WDPCP: variants seen among roughly 807,000 people sequenced by gnomAD.
The protein encoded by WDPCP is WD repeat containing planar cell polarity effector.
WDPCP carries 71 observed loss-of-function variants against 93.1 expected under a neutral mutation model. The observed-to-expected ratio is 0.76, with a 90% confidence interval of 0.63 to 0.93. The LOEUF is 0.93. WDPCP is among the 40% of genes least tolerant of loss of function. The probability of loss-of-function intolerance (pLI) is 0.00; values close to 1 mark genes in which losing one functional copy is unlikely to be tolerated. For missense variants in WDPCP, 844 were observed against 887.4 expected (o/e 0.95, Z 0.62); for synonymous variants, 315 against 315.0 (o/e 1.00, Z 0.00).
Position 63,731,160 on chromosome 2 carries a change from T to G in WDPCP, n.309-80322A>C, listed in dbSNP as rs372172716. ...GTCACGTGCCTGTAGTTCCAGCTAC[T>G]TGGGAGGCTGAGGCAGGAGAATCAC... On this transcript the variant is annotated intron_variant and non_coding_transcript_variant, in intron 2 of 4. Coordinates refer to the WDPCP transcript ENST00000467687. Among the ~76,000 whole-genome samples the G allele has an allele frequency of 1.1e-4, 16 of 151,900 alleles. No individual in the cohort carries two copies. The East Asian group carries it at 2.3e-3, about 22-fold the overall frequency.
At chr2:63,483,845 G>C (rs904282992) in intron 6 of WDPCP, among the ~76,000 whole-genome samples, 19 of 151,732 alleles carry the variant, frequency 1.3e-4, no homozygotes, top group African/African-American at 4.4e-4. Context: ...TACTTTTTAA[G>C]CCTATCAGCA....
chr2:63,529,501 A>T (rs887678556), intron 1 of WDPCP, among the ~76,000 whole-genome samples: 1 of 152,136 alleles, frequency 6.6e-6, no homozygotes, highest in Non-Finnish European at 1.5e-5. Context: ...GGTTCTGTTT[A>T]TGTGATGGAT....
chr2:63,326,015 A>T (rs1687504819), intron 12 of WDPCP, among the ~76,000 whole-genome samples: 1 of 152,350 alleles, frequency 6.6e-6, no homozygotes, highest in Admixed American at 6.5e-5. Flanking sequence ...AGGTAGTTGC[A>T]GCGGTGGCTG....
rs141224152 is a variant in WDPCP, at chr2:63,501,710, G to A, written c.76-8770C>T. 1.5e-3 allele frequency among the ~76,000 whole-genome samples: 183 copies of A among 123,688 alleles called. 1 individual carries two copies. The highest frequency in any genetic ancestry group is 4.5e-3 in the African/African-American group (175 of 38,540). 81.1% of individuals were successfully genotyped at this position (123,688 alleles called of 152,430 possible). On this transcript the variant is annotated intron_variant, in intron 1 of 17. Transcript: ENST00000272321. ...CAGCTCACTGCAACTTCCACCTCCC[G>A]GATTCAGGCAATTCTCCTGCCTCAG...
At chr2:63,186,675 C>T (rs1674660834) in intron 14 of WDPCP, among the ~76,000 whole-genome samples, 1 of 152,232 alleles carries the variant, frequency 6.6e-6, no homozygotes, top group East Asian at 1.9e-4. Flanking sequence ...ATATCGGGGA[C>T]TTCACTCACA....
chr2:63,363,146 A>C (rs535083076), intron 12 of WDPCP, among the ~76,000 whole-genome samples: 1 of 152,284 alleles, frequency 6.6e-6, no homozygotes, highest in South Asian at 2.1e-4. Flanking sequence ...ACAATACAAG[A>C]AGCACAAAGA....
At chr2:63,411,684 C>T (rs184236964) in intron 9 of WDPCP, among the ~76,000 whole-genome samples, 330 of 151,902 alleles carry the variant, frequency 2.2e-3, no homozygotes, top group Non-Finnish European at 3.7e-3. Context: ...CACTAATAAA[C>T]GAAAAAGGAG....
intron 1 of WDPCP, among the ~76,000 whole-genome samples, chr2:63,515,676 T>C (rs1031221): frequency 0.8 from 122,315 of 152,216 alleles, 49,831 homozygotes; most frequent in East Asian, 0.98. Flanking sequence ...CAGTTATTTA[T>C]AGAGCCCCTA....
chr2:63,796,118 TTCTC>T (rs1670613798), intron 2 of WDPCP, among the ~76,000 whole-genome samples: 1 of 152,192 alleles, frequency 6.6e-6, no homozygotes, highest in Non-Finnish European at 1.5e-5. Context: ...GAGTTATAGC[TTCTC>T]TCTGTGTGCT....
chr2:63,192,370 T>G (rs1250489346), intron 14 of WDPCP, among the ~76,000 whole-genome samples: 2 of 152,134 alleles, frequency 1.3e-5, no homozygotes, highest in East Asian at 1.9e-4. Flanking sequence ...AAAGAAGAGA[T>G]AAGCTGGGTG....
intron 6 of WDPCP, among the ~76,000 whole-genome samples, chr2:63,474,859 A>T (rs1297596198): frequency 6.6e-6 from 1 of 152,166 alleles, no homozygotes; most frequent in African/African-American, 2.4e-5. Context: ...TAATCTTTTA[A>T]GCAAATACTT....
At chr2:63,669,866 G>T (rs1291372575) in intron 2 of WDPCP, among the ~76,000 whole-genome samples, 1 of 152,130 alleles carries the variant, frequency 6.6e-6, no homozygotes, top group Non-Finnish European at 1.5e-5. Context: ...CAGCTTGCAG[G>T]ACAGTACATG....
chr2:63,649,819 G>C (rs930149563), intron 3 of WDPCP, among the ~76,000 whole-genome samples: 1 of 152,156 alleles, frequency 6.6e-6, no homozygotes, highest in African/African-American at 2.4e-5. Context: ...ATGATCAATG[G>C]CTACAGGACT....
intron 2 of WDPCP, among the ~76,000 whole-genome samples, chr2:63,672,629 A>T (rs1010074315): frequency 6.6e-6 from 1 of 151,586 alleles, no homozygotes; most frequent in Admixed American, 6.6e-5. Context: ...ATTTTATTTC[A>T]TTTTTATTTT....
intron 2 of WDPCP, among the ~76,000 whole-genome samples, chr2:63,662,808 A>C (rs1383555614): frequency 1.3e-5 from 2 of 152,242 alleles, no homozygotes; most frequent in Non-Finnish European, 2.9e-5. Flanking sequence ...ATCATTCTTT[A>C]ACCGAGTTTG....
chr2:63,320,959 A>G (rs1687035144), intron 12 of WDPCP, among the ~76,000 whole-genome samples: 1 of 152,118 alleles, frequency 6.6e-6, no homozygotes, highest in Non-Finnish European at 1.5e-5. Flanking sequence ...ACAAACACAG[A>G]TAGTTTGAAA....
chr2:63,287,625 T>C (rs561652992), intron 13 of WDPCP, among the ~76,000 whole-genome samples: 1 of 152,350 alleles, frequency 6.6e-6, no homozygotes, highest in African/African-American at 2.4e-5. Context: ...CCTCACAAAC[T>C]CTGGTCCATC....
intron 17 of WDPCP, among the ~76,000 whole-genome samples, chr2:63,146,622 G>A (rs1425159998): frequency 3.3e-5 from 5 of 152,210 alleles, no homozygotes; most frequent in South Asian, 4.1e-4. Context: ...TGATCTACCC[G>A]CCTCGGCCTC....
intron 10 of WDPCP, among the ~76,000 whole-genome samples, chr2:63,383,547 T>C (rs1692488711): frequency 6.6e-6 from 1 of 152,068 alleles, no homozygotes; most frequent in East Asian, 1.9e-4. Context: ...AAACAGTCTT[T>C]ACTAAAAATA....
Sources: allele counts gnomAD v4.1 joint callset (sites outside exome capture counted in the v4.1 genomes callset), GRCh38; gene constraint gnomAD v4.1.1; transcripts MANE v1.5; gene names NCBI Gene and HGNC (gene_info 2026-07-23, HGNC 2026-07-21).